Variants in CAST observed in about 807,000 individuals in gnomAD.
The protein encoded by CAST is MIR583 host.
In CAST, 76 loss-of-function variants were observed where a neutral mutation model predicts 119.6. That is an observed-to-expected ratio of 0.64 (90% confidence interval 0.53 to 0.77). CAST has a LOEUF of 0.77. Among genes scored for constraint, CAST ranks in the 30% least tolerant of loss-of-function variants. The pLI is 0.00. For missense variants in CAST, 953 were observed against 946.5 expected, an observed-to-expected ratio of 1.01 and a Z score of -0.09; for synonymous variants, 319 against 331.6, an observed-to-expected ratio of 0.96 and a Z score of 0.41.
the CAST span, among the ~76,000 whole-genome samples, chr5:96,309,454 G>C: frequency 3.3e-5 from 5 of 152,214 alleles, no homozygotes; most frequent in Non-Finnish European, 5.9e-5. Context: ...CTTTCCAGGG[G>C]AGTGAACGAT....
chr5:96,082,017 G>A, the CAST span, among the ~76,000 whole-genome samples: 1 of 152,100 alleles, frequency 6.6e-6, no homozygotes, highest in Non-Finnish European at 1.5e-5. Flanking sequence ...GGGTTCAGGC[G>A]ATTCTCCTGC....
the CAST span, among the ~76,000 whole-genome samples, chr5:96,515,006 C>T: frequency 6.6e-6 from 1 of 152,156 alleles, no homozygotes; most frequent in Admixed American, 6.5e-5. Flanking sequence ...CCACCCTGTC[C>T]TCCCTAAGTG....
chr5:96,463,093 C>T, the CAST span, among the ~76,000 whole-genome samples: 1 of 152,174 alleles, frequency 6.6e-6, no homozygotes, highest in East Asian at 1.9e-4. Flanking sequence ...ATTATCGTTT[C>T]ATATCTGGGA....
the CAST span, among the ~76,000 whole-genome samples, chr5:96,495,679 T>C: frequency 6.6e-6 from 1 of 152,244 alleles, no homozygotes; most frequent in Admixed American, 6.5e-5. Flanking sequence ...GATGGGCATT[T>C]GGGTTGGTTC....
At chr5:96,526,725 G>A (rs1745601880), upstream of CAST, among the ~76,000 whole-genome samples, 1 of 152,178 alleles carries the variant, frequency 6.6e-6, no homozygotes, top group Admixed American at 6.5e-5. Context: ...TGGACCCCAG[G>A]TTGCTCTGTG....
At chr5:96,126,654 G>A in the CAST span, among the ~76,000 whole-genome samples, 1 of 152,040 alleles carries the variant, frequency 6.6e-6, no homozygotes, top group Admixed American at 6.6e-5. Flanking sequence ...TCAAACTAGG[G>A]CATCCTAAAA....
At chr5:96,399,947 A>G in the CAST span, 16 of 1,598,916 alleles carry the variant, frequency 1.0e-5, no homozygotes, top group South Asian at 1.8e-4. Flanking sequence ...TCCAGGAGAT[A>G]CTTACCTGGG....
At chr5:96,695,339 T>TTAATAACTTAATGAATA (rs1482501180) in intron 2 of CAST, among the ~76,000 whole-genome samples, 24 of 152,236 alleles carry the variant, frequency 1.6e-4, no homozygotes, top group African/African-American at 5.8e-4. Context: ...ACCATAGTAC[T>TTAATAACTTAATGAATA]TAATAAACAT....
intron 1 of CAST, among the ~76,000 whole-genome samples, chr5:96,628,944 T>A (rs2150201348): frequency 6.6e-6 from 1 of 152,246 alleles, no homozygotes; most frequent in East Asian, 1.9e-4. Flanking sequence ...TTTGAATGTA[T>A]CCCCCAAAAG....
At chr5:96,031,777 G>A in the CAST span, among the ~76,000 whole-genome samples, 1 of 151,968 alleles carries the variant, frequency 6.6e-6, no homozygotes, top group Non-Finnish European at 1.5e-5. Flanking sequence ...ATATTGGTGT[G>A]TAACCGATTA....
At chr5:96,468,351 A>C in the CAST span, among the ~76,000 whole-genome samples, 1 of 152,072 alleles carries the variant, frequency 6.6e-6, no homozygotes, top group Non-Finnish European at 1.5e-5. Flanking sequence ...CATGTAACCA[A>C]AAACCACTTG....
At chr5:96,668,773 C>T (rs1417796274) in intron 1 of CAST, among the ~76,000 whole-genome samples, 1 of 150,178 alleles carries the variant, frequency 6.7e-6, no homozygotes, top group Non-Finnish European at 1.5e-5. Flanking sequence ...GTATTTAAAA[C>T]AAAGGGAGTG....
chr5:96,770,562 A>G lies in CAST; in HGVS notation c.2300A>G (p.Lys767Arg). ...DKCKKAASSS[K>R]APKNGGKAKD... The stretch of plus-strand genomic sequence containing the variant: ...TGCAAGAAGGCTGCTTCCAGCTCCA[A>G]AGCACCTAAGAATGGAGGTAAAGCG... The change falls in exon 30 of 32, where the codon AAA becomes AGA. Residue 767 changes from lysine (K) to arginine (R), a missense_variant. By Grantham distance (26) the Lys-to-Arg change is conservative. Transcript: ENST00000675179. The G allele has an allele frequency of 6.2e-7, 1 of 1,613,230 alleles. No homozygotes were observed. The highest frequency in any genetic ancestry group is 8.5e-7 in the Non-Finnish European group (1 of 1,179,304).
At chr5:96,071,428 A>G in the CAST span, among the ~76,000 whole-genome samples, 1 of 152,142 alleles carries the variant, frequency 6.6e-6, no homozygotes, top group African/African-American at 2.4e-5. Context: ...GTCCCCAGGC[A>G]TGAACCAGTT....
At chr5:96,435,653 G>A in the CAST span, among the ~76,000 whole-genome samples, 3 of 152,182 alleles carry the variant, frequency 2.0e-5, no homozygotes, top group African/African-American at 7.2e-5. Context: ...TTTGATTCAT[G>A]TGATTAATTT....
chr5:96,676,980 G>A (rs112070620), intron 2 of CAST, among the ~76,000 whole-genome samples: 4,046 of 151,596 alleles, frequency 0.027, 186 homozygotes, highest in African/African-American at 0.092. Context: ...CGTGAACCTG[G>A]GAGGCAGAGG....
the CAST span, among the ~76,000 whole-genome samples, chr5:96,343,697 A>G: frequency 6.6e-6 from 1 of 152,202 alleles, no homozygotes; most frequent in African/African-American, 2.4e-5. Context: ...AAAGCCACAG[A>G]ACTACCATTT....
chr5:96,766,938 AGTAT>A (rs2150739135), intron 27 of CAST, among the ~76,000 whole-genome samples: 1 of 152,322 alleles, frequency 6.6e-6, no homozygotes, highest in South Asian at 2.1e-4. Flanking sequence ...GCTTGCATTC[AGTAT>A]TCCTCAAGAT....
In CAST at chr5:96,704,663, A is replaced by G. The variant is rs572536108; in HGVS notation, c.210+8756A>G. On this transcript the variant is annotated intron_variant, in intron 3 of 31. Coordinates refer to ENST00000675179, the MANE Select transcript of CAST (RefSeq NM_001750.7). Reference sequence around the variant, plus strand: ...TGTATCTCCTCTTTCATTATACCTTATAATTCCCTCAATTTGGAGATCATA... The same window carrying G: ...TGTATCTCCTCTTTCATTATACCTTGTAATTCCCTCAATTTGGAGATCATA... Among the ~76,000 whole-genome samples, 5 of 152,342 alleles carry G rather than the reference A, an allele frequency of 3.3e-5. No individual in the cohort carries two copies. The South Asian group carries it at 8.3e-4, about 25-fold the overall frequency.
Sources: gnomAD v4.1 joint callset for allele counts (sites outside exome capture counted in the v4.1 genomes callset) on GRCh38, gnomAD v4.1.1 for gene constraint, MANE v1.5 for transcripts, NCBI Gene and HGNC (gene_info 2026-07-23, HGNC 2026-07-21) for gene names.